TMEM232: variants seen among roughly 807,000 people sequenced by gnomAD.
TMEM232 encodes the protein transmembrane protein 232.
In TMEM232, 80 loss-of-function variants were observed where a neutral mutation model predicts 78.8. The ratio of observed to expected loss-of-function variants is 1.01; its 90% CI spans 0.85 to 1.22. TMEM232 has a LOEUF of 1.22. TMEM232 is among the 50% of genes most tolerant of loss of function. The pLI is 0.00. For synonymous variants in TMEM232, 297 were observed against 254.3 expected, an observed-to-expected ratio of 1.17 and a Z score of -1.60; for missense variants, 881 against 742.2, an observed-to-expected ratio of 1.19 and a Z score of -2.17.
At chr5:110,726,551 A>G (rs1054117044) in intron 1 of TMEM232, 76 bp downstream of exon 1, 1 of 152,224 alleles carries the variant, frequency 6.6e-6, no homozygotes, top group African/African-American at 2.4e-5. Flanking sequence ...TGGGTCTTTC[A>G]GTTGCCCTAG....
intron 2 of TMEM232, chr5:110,397,993 A>T (rs1755454215): frequency 6.6e-6 from 1 of 152,392 alleles, no homozygotes; most frequent in Admixed American, 6.6e-5. Context: ...GTCAACTCTT[A>T]ATTATTTCCA....
intron 2 of TMEM232, among the ~76,000 whole-genome samples, chr5:110,414,326 C>A (rs982037534): frequency 5.9e-5 from 9 of 152,090 alleles, no homozygotes; most frequent in African/African-American, 2.2e-4. Context: ...ATTGATATAT[C>A]CCCAGTGACT....
chr5:110,672,051 T>G (rs1297693581), intron 1 of TMEM232, among the ~76,000 whole-genome samples: 1 of 152,054 alleles, frequency 6.6e-6, no homozygotes, highest in Non-Finnish European at 1.5e-5. Context: ...AGAAAAAAAG[T>G]AATTGAAGGG....
At chr5:110,483,148 A>G (rs924658375) in intron 12 of TMEM232, among the ~76,000 whole-genome samples, 1 of 152,196 alleles carries the variant, frequency 6.6e-6, no homozygotes, top group Non-Finnish European at 1.5e-5. Flanking sequence ...TGAAATTTAC[A>G]TGATAATAAC....
chr5:110,647,467 T>G (rs1787653259), intron 2 of TMEM232, among the ~76,000 whole-genome samples: 1 of 152,004 alleles, frequency 6.6e-6, no homozygotes, highest in East Asian at 1.9e-4. Context: ...CCTCTTTATG[T>G]TTGCAAAAAT....
chr5:110,643,523 C>A (rs1026352832), intron 2 of TMEM232, among the ~76,000 whole-genome samples: 13 of 151,750 alleles, frequency 8.6e-5, no homozygotes, highest in African/African-American at 2.7e-4. Flanking sequence ...TAAGGATGTA[C>A]CACAAAATTG....
intron 8 of TMEM232, among the ~76,000 whole-genome samples, chr5:110,614,486 T>G (rs1173026916): frequency 1.3e-5 from 2 of 152,244 alleles, no homozygotes; most frequent in East Asian, 3.9e-4. Flanking sequence ...TTTGCAACCT[T>G]AAACACAAAT....
At chr5:110,695,913 A>G (rs540812022) in intron 1 of TMEM232, among the ~76,000 whole-genome samples, 12 of 152,286 alleles carry the variant, frequency 7.9e-5, no homozygotes, top group Middle Eastern at 3.4e-3. Context: ...AACTATTCCA[A>G]TCGATAGAAA....
chr5:110,644,540 C>T (rs1787196304), intron 2 of TMEM232, among the ~76,000 whole-genome samples: 1 of 151,748 alleles, frequency 6.6e-6, no homozygotes, highest in Non-Finnish European at 1.5e-5. Flanking sequence ...TGTATCTTTA[C>T]ATACCTTTCT....
At chr5:110,599,141 G>C (rs980846300) in intron 10 of TMEM232, among the ~76,000 whole-genome samples, 1 of 151,966 alleles carries the variant, frequency 6.6e-6, no homozygotes, top group African/African-American at 2.4e-5. Context: ...GTCACCATCA[G>C]GCCTGCCTTA....
intron 4 of TMEM232, chr5:110,388,099 A>G (rs1755050255): frequency 6.6e-6 from 1 of 152,176 alleles, no homozygotes; most frequent in Admixed American, 6.6e-5. Context: ...ACGGGTGCAC[A>G]AGAGAGGCGT....
chr5:110,574,555 C>A (rs1384359413), intron 10 of TMEM232, among the ~76,000 whole-genome samples: 1 of 152,006 alleles, frequency 6.6e-6, no homozygotes, highest in Non-Finnish European at 1.5e-5. Flanking sequence ...TTGGGCCACA[C>A]TCTATCAGTT....
chr5:110,407,690 A>G (rs573078399), intron 2 of TMEM232, among the ~76,000 whole-genome samples: 1 of 152,306 alleles, frequency 6.6e-6, no homozygotes, highest in South Asian at 2.1e-4. Flanking sequence ...ATTGACATTT[A>G]CAGAACACTT....
chr5:110,498,876 G>A (rs1433466400), intron 12 of TMEM232, among the ~76,000 whole-genome samples: 8 of 152,112 alleles, frequency 5.3e-5, no homozygotes, highest in Admixed American at 4.6e-4. Flanking sequence ...AGCTCTGTAA[G>A]TTCAAGATCA....
Position 110,718,545 on chromosome 5 carries a change from C to A in TMEM232, c.-13+8082G>T, listed in dbSNP as rs1200237290. On this transcript the variant is annotated intron_variant, in intron 1 of 13. Coordinates refer to ENST00000455884, the MANE Select transcript of TMEM232 (RefSeq NM_001039763.4). ...TTTTCTCTTTGCAGTTAGCTTCCAG[C>A]ATTTTTCCTATGAAACGTCTGAGAG... Among the ~76,000 whole-genome samples, 61 of 152,178 alleles carry A rather than the reference C, an allele frequency of 4.0e-4. 1 individual carries two copies. Among genetic ancestry groups the A allele is most frequent in the African/African-American group, 1.2e-4 (5 of 41,536 alleles).
intron 10 of TMEM232, among the ~76,000 whole-genome samples, chr5:110,603,861 G>T (rs80315001): frequency 0.021 from 3,174 of 152,132 alleles, 36 homozygotes; most frequent in Admixed American, 0.025. Flanking sequence ...AAAATAGTGA[G>T]CAAGTTTTTG....
At chr5:110,630,636 C>T (rs917238503) in intron 5 of TMEM232, among the ~76,000 whole-genome samples, 1 of 152,166 alleles carries the variant, frequency 6.6e-6, no homozygotes, top group African/African-American at 2.4e-5. Context: ...TGATTATAAG[C>T]TCCCTGAGGC....
chr5:110,618,748 C>T (rs540611659), intron 7 of TMEM232, among the ~76,000 whole-genome samples, 186 bp from the exon 8 acceptor site: 9 of 152,220 alleles, frequency 5.9e-5, no homozygotes, highest in Admixed American at 1.3e-4. Flanking sequence ...ACAGTTAACC[C>T]GAACCTAATG....
chr5:110,569,257 T>C (rs1776666118), intron 10 of TMEM232, among the ~76,000 whole-genome samples: 1 of 151,944 alleles, frequency 6.6e-6, no homozygotes, highest in Admixed American at 6.6e-5. Flanking sequence ...TTTATATACA[T>C]TACCAAGTTC....
Sources: allele counts gnomAD v4.1 joint callset (sites outside exome capture counted in the v4.1 genomes callset), GRCh38; gene constraint gnomAD v4.1.1; transcripts MANE v1.5; gene names NCBI Gene and HGNC (gene_info 2026-07-23, HGNC 2026-07-21).